CAPN9: variants seen among roughly 807,000 people sequenced by gnomAD.
CAPN9 encodes the protein calpain 9, also known as calpain-9.
A neutral mutation model predicts 92.8 loss-of-function variants in CAPN9; 81 were observed. That is an observed-to-expected ratio of 0.87 (90% confidence interval 0.73 to 1.05). The LOEUF is 1.05. Ranked by LOEUF, CAPN9 falls within the 50% of genes least tolerant of loss-of-function variation. CAPN9 has a pLI of 0.00. For synonymous variants in CAPN9, 304 were observed against 328.0 expected, an observed-to-expected ratio of 0.93 and a Z score of 0.79; for missense variants, 848 against 866.2, an observed-to-expected ratio of 0.98 and a Z score of 0.26.
At position 230,787,686 on chromosome 1, in the gene CAPN9, G is replaced by A. The variant is rs1193903096; in HGVS notation, c.1599+84G>A. The A allele has an allele frequency of 1.3e-5, 15 of 1,116,660 alleles. No individual in the cohort carries two copies. The East Asian group carries it at 3.5e-4, about 26-fold the overall frequency. 69.2% of individuals were successfully genotyped at this position (1,116,660 alleles called of 1,614,324 possible). A position where few individuals can be genotyped will look rare whatever the true frequency, so the allele number is the denominator to read the frequency against. ...GCAAAGGGTTGCAGTCGTGGGGTTG[G>A]TCAGCAACGTCATCCTGAGGCATGA... On this transcript the variant is annotated intron_variant, in intron 13 of 19. Transcript: ENST00000271971.
At chr1:230,757,262 G>C (rs558767987) in intron 2 of CAPN9, among the ~76,000 whole-genome samples, 2 of 152,096 alleles carry the variant, frequency 1.3e-5, no homozygotes, top group South Asian at 4.2e-4. Context: ...TTACATTCAG[G>C]TGGTCCTTCT....
chr1:230,777,064 G>C (rs1375378118), intron 8 of CAPN9: 1 of 152,224 alleles, frequency 6.6e-6, no homozygotes, highest in Non-Finnish European at 1.5e-5. Flanking sequence ...GGTTACAAGA[G>C]AGGAGCAAAA....
intron 4 of CAPN9, among the ~76,000 whole-genome samples, chr1:230,764,547 C>T (rs1434116615): frequency 6.6e-6 from 1 of 152,192 alleles, no homozygotes; most frequent in Non-Finnish European, 1.5e-5. Flanking sequence ...TATGAAATAA[C>T]CTCATTGAAG....
intron 2 of CAPN9, 42 bp downstream of exon 2, chr1:230,755,448 T>A (rs756167424): frequency 6.6e-7 from 1 of 1,508,460 alleles, no homozygotes. Flanking sequence ...GGAGGTTGAG[T>A]CACTGGGACA....
intron 16 of CAPN9, 61 bp downstream of exon 16, chr1:230,792,555 A>T (rs916889315): frequency 5.3e-6 from 7 of 1,332,686 alleles, no homozygotes; most frequent in Non-Finnish European, 7.6e-6. Flanking sequence ...AGCAGAGGGG[A>T]TTTAAAATGG....
At chr1:230,800,262 GAA>G (rs1192363942) in intron 19 of CAPN9, among the ~76,000 whole-genome samples, 3 of 124,132 alleles carry the variant, frequency 2.4e-5, no homozygotes, top group African/African-American at 6.2e-5. Flanking sequence ...AAGAAAGAAA[GAA>G]AGAAAGAAAG....
chr1:230,767,380 CA>C (rs1666055894), intron 4 of CAPN9, among the ~76,000 whole-genome samples, 160 bp from the exon 5 acceptor site: 1 of 152,290 alleles, frequency 6.6e-6, no homozygotes, highest in South Asian at 2.1e-4. Context: ...AAGCTCCAAA[CA>C]AACCCTGATA....
At chr1:230,786,110 T>G in intron 12 of CAPN9, 93 bp downstream of exon 12, 2 of 1,606,032 alleles carry the variant, frequency 1.2e-6, no homozygotes, top group Non-Finnish European at 1.7e-6. Context: ...AACTCTGCAG[T>G]TCAGGGATGG....
chr1:230,768,544 G>T (rs1391731532), intron 5 of CAPN9, among the ~76,000 whole-genome samples: 15 of 144,246 alleles, frequency 1.0e-4, no homozygotes, highest in Admixed American at 4.8e-4. Flanking sequence ...TCTGAAATTT[G>T]TTTTTTTTTT....
At chr1:230,783,619 A>G (rs1558109243) in intron 11 of CAPN9, among the ~76,000 whole-genome samples, 3 of 152,218 alleles carry the variant, frequency 2.0e-5, no homozygotes, top group Admixed American at 6.5e-5. Context: ...TCTAGGGAAT[A>G]CACCATGCTT....
rs28359686 is a variant in CAPN9, at chr1:230,780,391, G to A, written c.1272+55G>A. On this transcript the variant is annotated intron_variant, in intron 10 of 19. Coordinates refer to ENST00000271971, the MANE Select transcript of CAPN9 (RefSeq NM_006615.3). Reference sequence around the variant, plus strand: ...TTCTCCATCTGAGTTCTAAATTCGCGGCTCCTCCTCGGTCTCACACCCGAG... The same window carrying A: ...TTCTCCATCTGAGTTCTAAATTCGCAGCTCCTCCTCGGTCTCACACCCGAG... The A allele has an allele frequency of 2.3e-3, 3,705 of 1,603,240 alleles. 56 individuals carry two copies. The African/African-American group carries it at 0.039, about 17-fold the overall frequency.
chr1:230,780,122 G>GTGTT, intron 9 of CAPN9, 57 bp from the exon 10 acceptor site: 1 of 935,100 alleles, frequency 1.1e-6, no homozygotes. Context: ...GTGTGTGTGT[G>GTGTT]GTCTTTGTGG....
chr1:230,769,466 C>T (rs1400620915), intron 6 of CAPN9, among the ~76,000 whole-genome samples: 2 of 152,184 alleles, frequency 1.3e-5, no homozygotes, highest in Non-Finnish European at 2.9e-5. Context: ...GCACAAAACT[C>T]GTTTAGCAGC....
At position 230,759,649 on chromosome 1, in the gene CAPN9, C is replaced by T. The variant is rs1665502817; in HGVS notation, c.402+19C>T. On this transcript the variant is annotated intron_variant, in intron 3 of 19. Coordinates refer to ENST00000271971, the MANE Select transcript of CAPN9 (RefSeq NM_006615.3). ...TTTCCAGGTAAGAGGGAGCCCTGGG[C>T]CAGTGGGTTTACCTCTCTGGGGCCC... 6.5e-7 allele frequency: 1 copy of T among 1,543,196 alleles called. No individual in the cohort carries two copies. Among genetic ancestry groups the T allele is most frequent in the East Asian group, 2.3e-5 (1 of 44,076 alleles).
chr1:230,770,460 A>T (rs1247109436), intron 6 of CAPN9, among the ~76,000 whole-genome samples: 2 of 152,198 alleles, frequency 1.3e-5, no homozygotes, highest in Admixed American at 6.5e-5. Flanking sequence ...AGACACAACC[A>T]GAATAACCTT....
intron 2 of CAPN9, among the ~76,000 whole-genome samples, chr1:230,757,068 A>AAG (rs1572017103): frequency 0.043 from 1,534 of 35,312 alleles, 81 homozygotes; most frequent in African/African-American, 0.08. Context: ...AAGGAAGGAA[A>AAG]GGAGAAAATA....
At chr1:230,800,298 GAAAGA>G (rs1668640255) in intron 19 of CAPN9, among the ~76,000 whole-genome samples, 2 of 95,850 alleles carry the variant, frequency 2.1e-5, no homozygotes, top group Non-Finnish European at 4.6e-5. Flanking sequence ...AAGAAAGAAA[GAAAGA>G]AAGGAAAAAC....
intron 7 of CAPN9, 64 bp downstream of exon 7, chr1:230,772,163 T>C: frequency 7.2e-7 from 1 of 1,379,514 alleles, no homozygotes; most frequent in South Asian, 1.2e-5. Context: ...AGCTGGCTTG[T>C]GCAGACATGT....
chr1:230,774,919 T>G (rs3790979), intron 8 of CAPN9, among the ~76,000 whole-genome samples: 35,546 of 151,722 alleles, frequency 0.23, 5,297 homozygotes, highest in Non-Finnish European at 0.34. Flanking sequence ...TTTTGTATCT[T>G]TAGTAGAGAT....
Sources: allele counts gnomAD v4.1 joint callset (sites outside exome capture counted in the v4.1 genomes callset), GRCh38; gene constraint gnomAD v4.1.1; transcripts MANE v1.5; gene names NCBI Gene and HGNC (gene_info 2026-07-23, HGNC 2026-07-21).